The following SEMA6B variants were observed in gnomAD, a reference collection of about 807,000 sequenced individuals.
SEMA6B encodes the protein semaphorin 6B.
Under a neutral mutation model 78.6 loss-of-function variants are expected in SEMA6B, and 47 were observed. That is an observed-to-expected ratio of 0.60 (90% CI 0.47 to 0.76). The LOEUF (loss-of-function observed/expected upper bound fraction) is 0.76. SEMA6B is among the 30% of genes least tolerant of loss of function. SEMA6B has a pLI of 0.00. For missense variants in SEMA6B, 1,213 were observed against 1,269.9 expected (o/e 0.96, Z 0.68); for synonymous variants, 632 against 592.2 (o/e 1.07, Z -0.98).
At position 4,552,667 on chromosome 19, in the gene SEMA6B, C is replaced by T. The variant is rs760771038; in HGVS notation, c.772-28G>A. ...GGGCGTGACAGTGGACGGACGGGGGCCTGAGCTCTGTGTCCCAGGAAGGCC... is the reference window on the plus strand; with the variant it reads ...GGGCGTGACAGTGGACGGACGGGGGTCTGAGCTCTGTGTCCCAGGAAGGCC... On this transcript the variant is annotated intron_variant, in intron 9 of 16. Coordinates refer to ENST00000586582, the MANE Select transcript of SEMA6B (RefSeq NM_032108.4). The surrounding 1 kb of genome is among the most constrained non-coding windows in gnomAD (Gnocchi z 7.4). 2 of 1,566,050 alleles carry T rather than the reference C, an allele frequency of 1.3e-6. No homozygotes were observed. The highest frequency in any genetic ancestry group is 1.2e-5 in the South Asian group (1 of 83,900).
chr19:4,551,879 T>C (rs996090287), intron 10 of SEMA6B, among the ~76,000 whole-genome samples: 1 of 151,398 alleles, frequency 6.6e-6, no homozygotes, highest in African/African-American at 2.4e-5. Context: ...AATGCAAACC[T>C]GATCTCATCC....
chr19:4,554,345 G>A, intron 9 of SEMA6B, 43 bp downstream of exon 9: 2 of 1,490,846 alleles, frequency 1.3e-6, no homozygotes, highest in East Asian at 2.3e-5. Flanking sequence ...CACTTCGCAT[G>A]ATCAGAGCCT....
rs369024023 is a variant in SEMA6B, at chr19:4,552,526, G to A, written c.885C>T (p.Pro295=). 55 of 1,612,878 alleles carry A rather than the reference G, an allele frequency of 3.4e-5. No homozygotes were observed. Among genetic ancestry groups the A allele is most frequent in the East Asian group, 2.2e-5 (1 of 44,874 alleles). ...CGTTGAAGTAGAAATGGGAGTCTCCGGGTACAGAGCAGTTGAGCCGCGCCT... is the reference window on the plus strand; with the variant it reads ...CGTTGAAGTAGAAATGGGAGTCTCCAGGTACAGAGCAGTTGAGCCGCGCCT... ...FLKARLNCSV[P]GDSHFYFNVL... is the part of the protein sequence containing the mutation. The change falls in exon 10 of 17, where the codon CCC becomes CCT. Residue 295 remains proline (P), a synonymous_variant. Transcript: ENST00000586582. The surrounding 1 kb of genome is among the most constrained non-coding windows in gnomAD (Gnocchi z 7.4).
At chr19:4,556,178 G>C in intron 5 of SEMA6B, 89 bp from the exon 6 acceptor site, 1 of 905,000 alleles carries the variant, frequency 1.1e-6, no homozygotes, top group South Asian at 1.4e-5. Flanking sequence ...TGTGGGTGGA[G>C]GGCCGGTCTG....
chr19:4,556,079 C>T lies in SEMA6B; in HGVS notation c.380G>A (p.Arg127Gln), dbSNP rs866405202. Residue 127 changes from arginine to glutamine, a missense_variant, in exon 6 of 17, where the codon CGA (arginine) becomes CAA (glutamine). Physicochemically the swap from Arg to Gln is conservative, Grantham distance 43. Coordinates refer to ENST00000586582, the MANE Select transcript of SEMA6B (RefSeq NM_032108.4). ...RMKGKQEGEC[R>Q]NFVKVLLLRD... is the part of the protein sequence containing the mutation. ...AAGGAGCAGCACCTTTACGAAGTTT[C>T]GACACTCGCCCTGAGGTGGGGACAG... 1 of 1,613,662 alleles carries T rather than the reference C, an allele frequency of 6.2e-7. No individual in the cohort carries two copies. The highest frequency in any genetic ancestry group is 8.5e-7 in the Non-Finnish European group (1 of 1,179,654).
At position 4,543,587 on chromosome 19, in the gene SEMA6B, G is replaced by A; in HGVS notation, c.*14C>T. On this transcript the variant is annotated 3_prime_UTR_variant, in exon 17 of 17. Transcript: ENST00000586582. ...CCGTGGCTGGCACTGCCAAGGCATC[G>A]GGGGGCCCCCGGCCTAGGGCACGGG... is the stretch of plus-strand genomic sequence containing the variant. The A allele has an allele frequency of 8.3e-7, 1 of 1,206,104 alleles. No individual in the cohort carries two copies. Among genetic ancestry groups the A allele is most frequent in the East Asian group, 3.1e-5 (1 of 32,194 alleles). The allele number at this position is 1,206,104 out of a possible 1,614,324, so 74.7% of individuals were successfully genotyped here. A position where few individuals can be genotyped will look rare whatever the true frequency, so the allele number is the denominator to read the frequency against.
In SEMA6B at chr19:4,544,669, T is replaced by A. The variant is rs1054207547; in HGVS notation, c.1739-140A>T. 2.1e-6 allele frequency: 1 copy of A among 476,850 alleles called. No individual in the cohort carries two copies. Among genetic ancestry groups the A allele is most frequent in the Non-Finnish European group, 3.4e-6 (1 of 296,806 alleles). 29.5% of individuals were successfully genotyped at this position (476,850 alleles called of 1,614,324 possible). ...TTTATTTTTTGAGAAGGAGTCTTCC[T>A]TTGTGTGCCAGGCTGGAGTGCAGTG... On this transcript the variant is annotated intron_variant, in intron 16 of 16. Coordinates refer to ENST00000586582, the MANE Select transcript of SEMA6B (RefSeq NM_032108.4). This position sits in a 1 kb window ranked among gnomAD's most constrained non-coding sequence, Gnocchi z 5.1.
At chr19:4,547,452 G>A (rs1009122377) in intron 14 of SEMA6B, among the ~76,000 whole-genome samples, 2 of 152,238 alleles carry the variant, frequency 1.3e-5, no homozygotes, top group African/African-American at 4.8e-5. Flanking sequence ...CGGAGCTACT[G>A]GGTCATTGTT....
At chr19:4,547,294 A>T (rs1190449522) in intron 14 of SEMA6B, among the ~76,000 whole-genome samples, 1 of 152,130 alleles carries the variant, frequency 6.6e-6, no homozygotes, top group Admixed American at 6.5e-5. Context: ...CAACTTCTGG[A>T]GTCCTTAGAA....
Position 4,552,362 on chromosome 19 carries a change from G to A in SEMA6B, c.989+60C>T. ...AGGGCATACCTGAGGAGTGAATACA[G>A]GCCCTCTCTACCCATGCCCACCAAA... On this transcript the variant is annotated intron_variant, in intron 10 of 16. Transcript: ENST00000586582. This position sits in a 1 kb window ranked among gnomAD's most constrained non-coding sequence, Gnocchi z 7.4. 6.8e-7 allele frequency: 1 copy of A among 1,476,068 alleles called. No homozygotes were observed. Among genetic ancestry groups the A allele is most frequent in the Non-Finnish European group, 9.2e-7 (1 of 1,087,402 alleles). 91.4% of individuals were successfully genotyped at this position (1,476,068 alleles called of 1,614,324 possible). A position where few individuals can be genotyped will look rare whatever the true frequency, so the allele number is the denominator to read the frequency against.
Position 4,544,498 on chromosome 19 carries a change from G to C in SEMA6B, c.1770C>G (p.Arg590=). Residue 590 remains arginine (R), a synonymous_variant, in exon 17 of 17, where the codon CGC becomes CGG. Transcript: ENST00000586582. The surrounding 1 kb of genome is among the most constrained non-coding windows in gnomAD (Gnocchi z 5.1). ...GLLRASLSED[R]AGLVSVNLLV... is the part of the protein sequence containing the mutation. ...GCAGGTTCACCGACACCAGCCCCGC[G>C]CGGTCCTCGGAGAGGCTGGCCCGCA... 6.3e-7 allele frequency: 1 copy of C among 1,575,498 alleles called. No individual in the cohort carries two copies. Among genetic ancestry groups the C allele is most frequent in the Non-Finnish European group, 8.6e-7 (1 of 1,161,312 alleles).
Position 4,543,676 on chromosome 19 carries a change from G to A in SEMA6B, c.2592C>T (p.His864=), listed in dbSNP as rs1977081032. 3.3e-6 allele frequency: 4 copies of A among 1,230,648 alleles called. No homozygotes were observed. The highest frequency in any genetic ancestry group is 1.6e-5 in the African/African-American group (1 of 64,428). The allele number at this position is 1,230,648 out of a possible 1,614,324, so 76.2% of individuals were successfully genotyped here. The change falls in exon 17 of 17, where the codon CAC becomes CAT. Residue 864 remains histidine, a synonymous_variant. Coordinates refer to ENST00000586582, the MANE Select transcript of SEMA6B (RefSeq NM_032108.4). ...GGGCCAAGTCTGTGCCCGGCCGGGC[G>A]TGGCAGCCGCGGTGGCGGTCCCCAG... ...ARPGDRHRGC[H]ARPGTDLAHL...
rs1231669735 is a variant in SEMA6B, at chr19:4,550,941, G to C, written c.990-11C>G. 3 of 1,613,396 alleles carry C rather than the reference G, an allele frequency of 1.9e-6. No homozygotes were observed. Among genetic ancestry groups the C allele is most frequent in the Non-Finnish European group, 2.5e-6 (3 of 1,179,868 alleles). On this transcript the variant is annotated splice_polypyrimidine_tract_variant and intron_variant, in intron 10 of 16. Transcript: ENST00000586582. The surrounding 1 kb of genome is among the most constrained non-coding windows in gnomAD (Gnocchi z 6.6). Reference sequence around the variant, plus strand: ...GCCGAGCCAGGGATGCTGAGGGGTTGGGATGAAAGAGTTTGGTGAGCCCGG... The same window carrying C: ...GCCGAGCCAGGGATGCTGAGGGGTTCGGATGAAAGAGTTTGGTGAGCCCGG...
At chr19:4,551,786 G>A (rs1236765403) in intron 10 of SEMA6B, among the ~76,000 whole-genome samples, 1 of 151,370 alleles carries the variant, frequency 6.6e-6, no homozygotes, top group Non-Finnish European at 1.5e-5. Context: ...CCGAGATCGC[G>A]CCACTGCACT....
Position 4,544,263 on chromosome 19 carries a change from C to G in SEMA6B, c.2005G>C (p.Gly669Arg). The G allele has an allele frequency of 2.3e-6, 3 of 1,285,826 alleles. No individual in the cohort carries two copies. Among genetic ancestry groups the G allele is most frequent in the Non-Finnish European group, 2.9e-6 (3 of 1,020,388 alleles). 79.7% of individuals were successfully genotyped at this position (1,285,826 alleles called of 1,614,324 possible). A position where few individuals can be genotyped will look rare whatever the true frequency, so the allele number is the denominator to read the frequency against. Reference sequence around the variant, plus strand: ...GGGGGAACCCCGGCGCCACCGCCACCGCCTCCGCCCCGGCCCCCGGGACCC... The same window carrying G: ...GGGGGAACCCCGGCGCCACCGCCACGGCCTCCGCCCCGGCCCCCGGGACCC... ...AQGPGGRGGGGGGGAGVPPEA... is the reference protein window; with the variant it reads ...AQGPGGRGGGRGGGAGVPPEA... Residue 669 changes from glycine (G) to arginine (R), a missense_variant, in exon 17 of 17, where the codon GGT becomes CGT. Gly to Arg is a moderately radical substitution (Grantham distance 125). Coordinates refer to ENST00000586582, the MANE Select transcript of SEMA6B (RefSeq NM_032108.4). The surrounding 1 kb of genome is among the most constrained non-coding windows in gnomAD (Gnocchi z 5.1).
chr19:4,544,257 C>G lies in SEMA6B; in HGVS notation c.2011G>C (p.Gly671Arg). Residue 671 changes from glycine to arginine, a missense_variant, in exon 17 of 17, where the codon GGT becomes CGT. Coordinates refer to ENST00000586582, the MANE Select transcript of SEMA6B (RefSeq NM_032108.4). This position sits in a 1 kb window ranked among gnomAD's most constrained non-coding sequence, Gnocchi z 5.1. The part of the protein sequence containing the change: ...GPGGRGGGGG[G>R]GAGVPPEALL... ...GCCTCCGGGGGAACCCCGGCGCCAC[C>G]GCCACCGCCTCCGCCCCGGCCCCCG... 7.8e-7 allele frequency: 1 copy of G among 1,281,980 alleles called. No homozygotes were observed. The highest frequency in any genetic ancestry group is 9.8e-7 in the Non-Finnish European group (1 of 1,018,144). 79.4% of individuals were successfully genotyped at this position (1,281,980 alleles called of 1,614,324 possible). A position where few individuals can be genotyped will look rare whatever the true frequency, so the allele number is the denominator to read the frequency against.
rs1599771414 is a variant in SEMA6B, at chr19:4,543,760, G to A, written c.2508C>T (p.His836=). 11 of 1,225,574 alleles carry A rather than the reference G, an allele frequency of 9.0e-6. No individual in the cohort carries two copies. The highest frequency in any genetic ancestry group is 1.1e-5 in the Non-Finnish European group (11 of 984,022). The allele number at this position is 1,225,574 out of a possible 1,614,324, so 75.9% of individuals were successfully genotyped here. A position where few individuals can be genotyped will look rare whatever the true frequency, so the allele number is the denominator to read the frequency against. Residue 836 remains histidine, a synonymous_variant, in exon 17 of 17, where the codon CAC becomes CAT. Transcript: ENST00000586582. ...GGCGCAGGGTGGCGGCCGGAGGGGC[G>A]TGGGGGCCCAGTGGCCTCCTCAGGC... ...TGSLRRPLGP[H]APPAATLRRT... is the part of the protein sequence containing the mutation.
Position 4,548,258 on chromosome 19 carries a change from C to A in SEMA6B, c.1454+5G>T, listed in dbSNP as rs747086415. On this transcript the variant is annotated splice_donor_5th_base_variant and intron_variant, in intron 13 of 16. Transcript: ENST00000586582. Reference sequence around the variant, plus strand: ...CGACCCCTTCCCACCTTTGCCCAGACTTACCTGTCCGGCCGGTAGGTCTCA... The same window carrying A: ...CGACCCCTTCCCACCTTTGCCCAGAATTACCTGTCCGGCCGGTAGGTCTCA... 6.2e-6 allele frequency: 10 copies of A among 1,604,836 alleles called. No homozygotes were observed. In the East Asian group the frequency reaches 6.7e-5, roughly 11 times the overall value.
chr19:4,544,147 C>G lies in SEMA6B; in HGVS notation c.2121G>C (p.Leu707=). The change falls in exon 17 of 17, where the codon CTG becomes CTC. Residue 707 remains leucine (L), a synonymous_variant. Coordinates refer to ENST00000586582, the MANE Select transcript of SEMA6B (RefSeq NM_032108.4). The surrounding 1 kb of genome is among the most constrained non-coding windows in gnomAD (Gnocchi z 5.1). ...GGPHDLDSGL[L]PTPEQTPLPQ... ...GCAGCGGCGTCTGCTCGGGCGTGGG[C>G]AGCAGCCCCGAGTCCAGGTCGTGGG... is the stretch of plus-strand genomic sequence containing the variant. 1 of 1,274,194 alleles carries G rather than the reference C, an allele frequency of 7.8e-7. No individual in the cohort carries two copies. The highest frequency in any genetic ancestry group is 9.9e-7 in the Non-Finnish European group (1 of 1,012,348). 78.9% of individuals were successfully genotyped at this position (1,274,194 alleles called of 1,614,324 possible).
Sources: allele counts gnomAD v4.1 joint callset (sites outside exome capture counted in the v4.1 genomes callset), GRCh38; gene constraint gnomAD v4.1.1; non-coding constraint Gnocchi (gnomAD v3.1); transcripts MANE v1.5; gene names NCBI Gene and HGNC (gene_info 2026-07-23, HGNC 2026-07-21).